GGNBP2: variants seen among roughly 807,000 people sequenced by gnomAD.
The protein encoded by GGNBP2 is gametogenetin-binding protein 2.
GGNBP2 carries 10 observed loss-of-function variants against 85.9 expected under a neutral mutation model. That is an observed-to-expected ratio of 0.12 (90% CI 0.07 to 0.20). GGNBP2 has a LOEUF of 0.20. Ranked by LOEUF, GGNBP2 falls within the 10% of genes least tolerant of loss-of-function variation. The pLI, the probability that GGNBP2 is intolerant of heterozygous loss-of-function variation, is 1.00. For missense variants in GGNBP2, 595 were observed against 857.8 expected (o/e 0.69, Z 3.83); for synonymous variants, 287 against 285.7 (o/e 1.00, Z -0.05).
At chr17:36,559,249 A>G (rs1472920973) in intron 4 of GGNBP2, among the ~76,000 whole-genome samples, 1 of 141,428 alleles carries the variant, frequency 7.1e-6, no homozygotes, top group Admixed American at 7.5e-5. Flanking sequence ...GTGAGGCAAG[A>G]TTGCGCCACT....
intron 6 of GGNBP2, chr17:36,575,202 C>T: frequency 4.7e-6 from 3 of 642,904 alleles, no homozygotes; most frequent in East Asian, 2.9e-5. Flanking sequence ...GCTCTGCGGC[C>T]TCAGCCGCGG....
Position 36,548,709 on chromosome 17 carries a change from C to T in GGNBP2, c.93+2892C>T, listed in dbSNP as rs187042356. Among the ~76,000 whole-genome samples the T allele has an allele frequency of 4.2e-3, 610 of 145,422 alleles. 5 individuals carry two copies. The highest frequency in any genetic ancestry group is 3.5e-3 in the East Asian group (17 of 4,852). On this transcript the variant is annotated intron_variant, in intron 2 of 13. Coordinates refer to ENST00000613102, the MANE Select transcript of GGNBP2 (RefSeq NM_024835.5). ...CTGTAATCCTAGCACTTTGGGAGGC[C>T]GAGGCTGGCAGATTGCCTGAGCTCA...
intron 2 of GGNBP2, 63 bp downstream of exon 2, chr17:36,545,880 T>G: frequency 8.5e-7 from 1 of 1,177,288 alleles, no homozygotes; most frequent in South Asian, 1.3e-5. Context: ...CTCCTCCCCC[T>G]CCCCCAGGCC....
At chr17:36,576,635 GTATATA>G (rs1181282903) in intron 6 of GGNBP2, 2 of 110,530 alleles carry the variant, frequency 1.8e-5, no homozygotes, top group East Asian at 2.8e-4. Flanking sequence ...GTGTGTATAT[GTATATA>G]TGTATATGTA....
At chr17:36,578,223 C>T (rs776723860) in intron 7 of GGNBP2, 37 bp downstream of exon 7, 6 of 1,474,002 alleles carry the variant, frequency 4.1e-6, no homozygotes, top group South Asian at 1.2e-5. Context: ...GGCTATCTAG[C>T]GCTTTGCTTC....
intron 3 of GGNBP2, among the ~76,000 whole-genome samples, chr17:36,556,096 G>C (rs972540345): frequency 2.0e-5 from 3 of 152,298 alleles, no homozygotes; most frequent in South Asian, 2.1e-4. Context: ...AAATCTGAAA[G>C]TGTTAACTGC....
chr17:36,556,473 A>G (rs1175744608), intron 3 of GGNBP2, among the ~76,000 whole-genome samples: 1 of 152,222 alleles, frequency 6.6e-6, no homozygotes, highest in African/African-American at 2.4e-5. Context: ...TGGGAGGCTG[A>G]GGCGGGTGGA....
At position 36,585,631 on chromosome 17, in the gene GGNBP2, T is replaced by C. The variant is rs1171504119; in HGVS notation, c.1366+181T>C. Reference sequence around the variant, plus strand: ...TTTTCTTTATGTTCTTTGACTTATTTTTGACAAAAACGAAAAATGGTAAAT... The same window carrying C: ...TTTTCTTTATGTTCTTTGACTTATTCTTGACAAAAACGAAAAATGGTAAAT... On this transcript the variant is annotated intron_variant, in intron 10 of 13. Transcript: ENST00000613102. 3 of 631,892 alleles carry C rather than the reference T, an allele frequency of 4.7e-6. No individual in the cohort carries two copies. The East Asian group carries it at 9.1e-5, about 19-fold the overall frequency. The allele number at this position is 631,892 out of a possible 1,614,324, so 39.1% of individuals were successfully genotyped here.
intron 2 of GGNBP2, chr17:36,546,647 A>C (rs2142662187): frequency 6.6e-6 from 1 of 152,302 alleles, no homozygotes; most frequent in East Asian, 1.9e-4. Context: ...CTGAACAGGA[A>C]ATGAGTGCAG....
intron 6 of GGNBP2, chr17:36,577,758 A>G (rs766031435): frequency 1.2e-5 from 7 of 578,532 alleles, no homozygotes; most frequent in South Asian, 2.1e-5. Flanking sequence ...CTTTTAGGCT[A>G]TGTGTTTCTC....
chr17:36,570,997 G>T (rs1392299930), intron 6 of GGNBP2, among the ~76,000 whole-genome samples: 1 of 152,186 alleles, frequency 6.6e-6, no homozygotes, highest in Non-Finnish European at 1.5e-5. Flanking sequence ...TCAAGCCTGG[G>T]TGACAGAGTG....
intron 5 of GGNBP2, among the ~76,000 whole-genome samples, chr17:36,563,208 T>C (rs558796964): frequency 2.0e-5 from 3 of 151,900 alleles, no homozygotes; most frequent in Non-Finnish European, 4.4e-5. Context: ...AGAGGTTGCA[T>C]TGAGCCAAGA....
At chr17:36,570,277 G>A (rs1400106236) in intron 6 of GGNBP2, among the ~76,000 whole-genome samples, 1 of 152,204 alleles carries the variant, frequency 6.6e-6, no homozygotes, top group Non-Finnish European at 1.5e-5. Flanking sequence ...ACTGGGGAGG[G>A]TGAGGTGAGA....
At chr17:36,545,546 C>G (rs367599734) in intron 1 of GGNBP2, 73 bp from the exon 2 acceptor site, 1 of 571,772 alleles carries the variant, frequency 1.7e-6, no homozygotes, top group South Asian at 2.2e-5. Context: ...CCTCCCGCTC[C>G]GCTCCCTGCC....
At chr17:36,577,162 C>T (rs2074599650) in intron 6 of GGNBP2, 1 of 152,166 alleles carries the variant, frequency 6.6e-6, no homozygotes, top group African/African-American at 2.4e-5. Flanking sequence ...GTGAGCCTGG[C>T]TTTTCCACCT....
chr17:36,561,872 C>A (rs1194285231), intron 5 of GGNBP2, among the ~76,000 whole-genome samples: 1 of 152,204 alleles, frequency 6.6e-6, no homozygotes, highest in Non-Finnish European at 1.5e-5. Flanking sequence ...ATCCGCCCAC[C>A]TCGGCCTCCC....
intron 2 of GGNBP2, among the ~76,000 whole-genome samples, chr17:36,549,177 T>C (rs2074284743): frequency 1.3e-5 from 2 of 152,290 alleles, no homozygotes; most frequent in Middle Eastern, 3.4e-3. Context: ...AGAATACATA[T>C]TTGATTTTAG....
intron 2 of GGNBP2, 74 bp downstream of exon 2, chr17:36,545,891 G>T (rs961407240): frequency 1.0e-5 from 11 of 1,067,334 alleles, no homozygotes; most frequent in African/African-American, 1.6e-5. Context: ...CCCCCAGGCC[G>T]AGCGCTGCGC....
chr17:36,568,326 G>T (rs944606966), intron 6 of GGNBP2, among the ~76,000 whole-genome samples: 40 of 150,204 alleles, frequency 2.7e-4, no homozygotes, highest in Non-Finnish European at 4.9e-4. Flanking sequence ...AGACAGAGTT[G>T]CACTCTGTCA....
Sources: allele counts gnomAD v4.1 joint callset (sites outside exome capture counted in the v4.1 genomes callset), GRCh38; gene constraint gnomAD v4.1.1; transcripts MANE v1.5; gene names NCBI Gene and HGNC (gene_info 2026-07-23, HGNC 2026-07-21).